Variants in CDH2 observed in about 807,000 individuals in gnomAD.
CDH2 encodes cadherin-2.
A neutral mutation model predicts 92.0 loss-of-function variants in CDH2; 17 were observed. The observed-to-expected ratio is 0.18, with a 90% CI of 0.13 to 0.28. The LOEUF (loss-of-function observed/expected upper bound fraction) is 0.28, where lower values mean the gene tolerates loss of function less well. CDH2 is among the 10% of genes least tolerant of loss of function. The probability of loss-of-function intolerance (pLI) is 1.00; values close to 1 mark genes in which losing one functional copy is unlikely to be tolerated. For synonymous variants in CDH2, 419 were observed against 415.9 expected (o/e 1.01, Z -0.09); for missense variants, 862 against 1,133.1 (o/e 0.76, Z 3.44).
At chr18:28,159,009 A>G (rs2016264896) in intron 1 of CDH2, 2 of 152,226 alleles carry the variant, frequency 1.3e-5, no homozygotes. Flanking sequence ...TAAATTCTCT[A>G]TGGTAAACAG....
intron 2 of CDH2, among the ~76,000 whole-genome samples, chr18:28,039,416 C>G (rs185157519): frequency 6.6e-6 from 1 of 152,044 alleles, no homozygotes; most frequent in African/African-American, 2.4e-5. Context: ...TCACTGATTT[C>G]GCATACAGGA....
At position 28,177,069 on chromosome 18, in the gene CDH2, C is replaced by T; in HGVS notation, c.-47G>A. On this transcript the variant is annotated 5_prime_UTR_variant, in exon 1 of 16. Transcript: ENST00000269141. ...GAAGAGCCGGAGGAGGCGGCGGCGG[C>T]GGCGGCGGCGGCGGAGGAGGAGGAG... The T allele has an allele frequency of 2.2e-6, 3 of 1,360,094 alleles. No homozygotes were observed. The highest frequency in any genetic ancestry group is 1.5e-5 in the African/African-American group (1 of 65,376). 84.3% of individuals were successfully genotyped at this position (1,360,094 alleles called of 1,614,324 possible).
intron 1 of CDH2, among the ~76,000 whole-genome samples, chr18:28,155,982 G>A (rs940777266): frequency 3.9e-5 from 6 of 152,242 alleles, no homozygotes; most frequent in Non-Finnish European, 7.4e-5. Flanking sequence ...CTGAACAGCT[G>A]CAATATTTTT....
chr18:27,941,951 G>A (rs1332229915), intron 6 of CDH2, among the ~76,000 whole-genome samples: 1 of 152,168 alleles, frequency 6.6e-6, no homozygotes. Context: ...GAAGCATTCT[G>A]GAAACTGGGA....
chr18:28,003,270 T>C, intron 6 of CDH2, 101 bp from the exon 7 acceptor site: 1 of 840,822 alleles, frequency 1.2e-6, no homozygotes, highest in Non-Finnish European at 1.8e-6. Flanking sequence ...TTTTCACTTT[T>C]TAAAAACAAA....
At chr18:27,963,597 CAT>C in intron 14 of CDH2, 76 bp from the exon 15 acceptor site, 1 of 1,350,096 alleles carries the variant, frequency 7.4e-7, no homozygotes, top group Non-Finnish European at 1.1e-6. Context: ...TTTTTAAGCA[CAT>C]ACTCAGAACA....
At chr18:28,120,672 T>A (rs1050617582) in intron 2 of CDH2, among the ~76,000 whole-genome samples, 1 of 151,990 alleles carries the variant, frequency 6.6e-6, no homozygotes, top group Admixed American at 6.6e-5. Flanking sequence ...AAGGGAGGCA[T>A]GATTTATGCC....
At chr18:28,099,074 C>T (rs1398880890) in intron 2 of CDH2, among the ~76,000 whole-genome samples, 2 of 152,070 alleles carry the variant, frequency 1.3e-5, no homozygotes, top group African/African-American at 2.4e-5. Flanking sequence ...TGCTCATCTG[C>T]TGTTTCAAGG....
intron 2 of CDH2, among the ~76,000 whole-genome samples, chr18:28,134,999 C>G (rs539669450): frequency 6.6e-6 from 1 of 152,096 alleles, no homozygotes; most frequent in Non-Finnish European, 1.5e-5. Flanking sequence ...AAAGGGCCCT[C>G]CACAGTGGAC....
intron 2 of CDH2, among the ~76,000 whole-genome samples, chr18:28,042,652 C>T (rs1342244760): frequency 1.3e-5 from 2 of 152,094 alleles, no homozygotes; most frequent in South Asian, 2.1e-4. Flanking sequence ...TAAAAATATA[C>T]ACACACACAA....
intron 1 of CDH2, among the ~76,000 whole-genome samples, chr18:28,169,562 T>C (rs1428736451): frequency 6.6e-6 from 1 of 152,200 alleles, no homozygotes; most frequent in Non-Finnish European, 1.5e-5. Context: ...TGGGCATACA[T>C]GTTTTAAATT....
At chr18:28,152,407 T>A (rs1323796499) in intron 1 of CDH2, among the ~76,000 whole-genome samples, 1 of 151,996 alleles carries the variant, frequency 6.6e-6, no homozygotes, top group Non-Finnish European at 1.5e-5. Context: ...AGATTTAATG[T>A]GGGAGGTTAA....
At chr18:28,072,902 C>T (rs1041934849) in intron 2 of CDH2, among the ~76,000 whole-genome samples, 1 of 152,194 alleles carries the variant, frequency 6.6e-6, no homozygotes, top group Non-Finnish European at 1.5e-5. Context: ...GGGTTACACA[C>T]ACACCTTTAT....
At chr18:27,985,311 T>C in intron 12 of CDH2, 78 bp from the exon 13 acceptor site, 1 of 882,920 alleles carries the variant, frequency 1.1e-6, no homozygotes, top group Non-Finnish European at 1.8e-6. Flanking sequence ...GTTCAGGATG[T>C]ATTTACTACC....
rs188747109 is a variant in CDH2 at position 28,095,182 on chromosome 18, C to T, written c.172+52491G>A. ...TTTTCATATGTATATGCTCCATGTCCAATAAAGCTTCGGAGAGTATTCAGA... is the reference window on the plus strand; with the variant it reads ...TTTTCATATGTATATGCTCCATGTCTAATAAAGCTTCGGAGAGTATTCAGA... On this transcript the variant is annotated intron_variant, in intron 2 of 15. Transcript: ENST00000269141. 2.0e-5 allele frequency among the ~76,000 whole-genome samples: 3 copies of T among 152,094 alleles called. No homozygotes were observed. The East Asian group carries it at 5.8e-4, about 30-fold the overall frequency.
chr18:27,936,742 C>T (rs540343968), intron 6 of CDH2, among the ~76,000 whole-genome samples: 1 of 152,174 alleles, frequency 6.6e-6, no homozygotes, highest in African/African-American at 2.4e-5. Flanking sequence ...ACTGTGTTGT[C>T]CAGACTGGTC....
intron 1 of CDH2, among the ~76,000 whole-genome samples, chr18:28,171,749 T>G (rs185455718): frequency 4.6e-5 from 7 of 152,280 alleles, no homozygotes. Flanking sequence ...CCAGGAATCA[T>G]GCAACTGGAC....
At chr18:28,130,981 T>C (rs770987293) in intron 2 of CDH2, among the ~76,000 whole-genome samples, 26 of 152,160 alleles carry the variant, frequency 1.7e-4, no homozygotes, top group Non-Finnish European at 2.9e-4. Context: ...AATGGAATCT[T>C]TATTTTTATT....
intron 1 of CDH2, 74 bp downstream of exon 1, chr18:28,176,889 C>CA: frequency 1.2e-6 from 1 of 846,902 alleles, no homozygotes; most frequent in Non-Finnish European, 1.5e-6. Context: ...CCCGCAGCGG[C>CA]GCGGGGAACA....
Sources: allele counts gnomAD v4.1 joint callset (sites outside exome capture counted in the v4.1 genomes callset), GRCh38; gene constraint gnomAD v4.1.1; transcripts MANE v1.5; gene names NCBI Gene and HGNC (gene_info 2026-07-23, HGNC 2026-07-21).